The following TENM2 variants were observed in gnomAD, a reference collection of about 807,000 sequenced individuals.
TENM2 encodes the protein teneurin transmembrane protein 2.
A neutral mutation model predicts 245.2 loss-of-function variants in TENM2; 52 were observed. The ratio of observed to expected loss-of-function variants is 0.21; its 90% CI spans 0.17 to 0.27. The LOEUF (loss-of-function observed/expected upper bound fraction) is 0.27, where lower values mean the gene tolerates loss of function less well. Ranked by LOEUF, TENM2 falls within the 10% of genes least tolerant of loss-of-function variation. The pLI is 1.00. For missense variants in TENM2, 3,046 were observed against 3,666.8 expected (o/e 0.83, Z 4.37); for synonymous variants, 1,363 against 1,438.9 (o/e 0.95, Z 1.19).
At chr5:167,764,608 T>C (rs1156593861) in intron 2 of TENM2, among the ~76,000 whole-genome samples, 1 of 152,174 alleles carries the variant, frequency 6.6e-6, no homozygotes, top group African/African-American at 2.4e-5. Flanking sequence ...TTTACCTGCC[T>C]CTTTAGATCT....
In TENM2 at chr5:167,973,463, T is replaced by A. The variant is rs547104976; in HGVS notation, c.948-19481T>A. On this transcript the variant is annotated intron_variant, in intron 4 of 28. Transcript: ENST00000518659. ...CAGAGAGTGAAAGATCGAAAAGACA[T>A]GGCCCCTGACCTCTGGGAATCACAG... is the stretch of plus-strand genomic sequence containing the variant. Among the ~76,000 whole-genome samples, 24 of 152,258 alleles carry A rather than the reference T, an allele frequency of 1.6e-4. No individual in the cohort carries two copies. In the South Asian group the frequency reaches 5.0e-3, roughly 32 times the overall value.
chr5:167,068,446 G>A, the TENM2 span, among the ~76,000 whole-genome samples: 1 of 152,154 alleles, frequency 6.6e-6, no homozygotes, highest in Non-Finnish European at 1.5e-5. Flanking sequence ...AGGAAAGCTG[G>A]TGAAATTAAT....
At chr5:167,007,671 GT>G in the TENM2 span, among the ~76,000 whole-genome samples, 2 of 151,628 alleles carry the variant, frequency 1.3e-5, no homozygotes, top group Non-Finnish European at 3.0e-5. This position sits in a 1 kb window ranked among gnomAD's most constrained non-coding sequence, Gnocchi z 4.2. Context: ...CATTCATATT[GT>G]TGTCTAACAG....
chr5:167,449,658 TGAAAA>T (rs1270232860), intron 2 of TENM2, among the ~76,000 whole-genome samples: 1 of 152,060 alleles, frequency 6.6e-6, no homozygotes, highest in Non-Finnish European at 1.5e-5. Flanking sequence ...AATTTTATAA[TGAAAA>T]GAAAAGAAAT....
intron 5 of TENM2, among the ~76,000 whole-genome samples, chr5:168,021,889 G>A (rs919343102): frequency 6.7e-6 from 1 of 149,424 alleles, no homozygotes; most frequent in African/African-American, 2.5e-5. Context: ...AAAGGGAAGG[G>A]GTGAGATCTA....
At chr5:168,074,624 A>G (rs1417943849) in intron 7 of TENM2, among the ~76,000 whole-genome samples, 1 of 152,152 alleles carries the variant, frequency 6.6e-6, no homozygotes, top group East Asian at 1.9e-4. Flanking sequence ...GTGGCTGGCC[A>G]GTCCCTCTGC....
At chr5:167,087,775 A>G in the TENM2 span, among the ~76,000 whole-genome samples, 2 of 151,886 alleles carry the variant, frequency 1.3e-5, no homozygotes, top group Non-Finnish European at 2.9e-5. Context: ...TGTTTTTTAT[A>G]GGTGGAGCAA....
chr5:167,659,509 T>G (rs1582676054), intron 2 of TENM2, among the ~76,000 whole-genome samples: 1 of 152,330 alleles, frequency 6.6e-6, no homozygotes, highest in East Asian at 1.9e-4. Flanking sequence ...CTTTATACAT[T>G]TATCCACATT....
At chr5:168,188,428 G>A (rs1003278374) in intron 13 of TENM2, among the ~76,000 whole-genome samples, 1 of 152,158 alleles carries the variant, frequency 6.6e-6, no homozygotes, top group Admixed American at 6.5e-5. Context: ...AATAAGGATT[G>A]ACTAACGAAT....
chr5:167,974,001 A>AAGGG (rs745782174), intron 4 of TENM2, among the ~76,000 whole-genome samples: 4,727 of 95,474 alleles, frequency 0.05, 726 homozygotes, highest in African/African-American at 0.068. Flanking sequence ...GGAAGGGAGA[A>AAGGG]AGGGAGGGAG....
the TENM2 span, among the ~76,000 whole-genome samples, chr5:167,071,231 T>A: frequency 1.3e-5 from 2 of 152,184 alleles, no homozygotes; most frequent in Admixed American, 6.5e-5. Flanking sequence ...TATTTAGTAA[T>A]AAAATTGTTA....
chr5:167,297,573 T>C (rs1308627255), intron 1 of TENM2: 2 of 152,248 alleles, frequency 1.3e-5, no homozygotes, highest in Non-Finnish European at 2.9e-5. Context: ...AATGATCAAG[T>C]TACATTTATG....
At chr5:167,205,952 GA>G in the TENM2 span, among the ~76,000 whole-genome samples, 3 of 152,174 alleles carry the variant, frequency 2.0e-5, no homozygotes, top group Non-Finnish European at 2.9e-5. Context: ...TCAGCTAAGA[GA>G]AAGTTCTGCT....
exon 11 of TENM2, chr5:168,125,002 G>T (rs920186019): frequency 1.2e-6 from 2 of 1,610,708 alleles, no homozygotes; most frequent in African/African-American, 1.3e-5. Flanking sequence ...GCCTGACACG[G>T]GCCTCTGCAG....
intron 2 of TENM2, among the ~76,000 whole-genome samples, chr5:167,780,200 C>T (rs1329493802): frequency 1.3e-5 from 2 of 152,242 alleles, no homozygotes; most frequent in Non-Finnish European, 2.9e-5. Flanking sequence ...TTGATCCTAG[C>T]ATGTCTTACT....
intron 5 of TENM2, among the ~76,000 whole-genome samples, chr5:168,040,166 CT>C (rs921501558): frequency 9.2e-5 from 14 of 152,322 alleles, no homozygotes; most frequent in African/African-American, 3.4e-4. Context: ...GACAGAAAGC[CT>C]TGCTACTTTT....
At chr5:167,848,178 C>G (rs1770227304) in intron 2 of TENM2, among the ~76,000 whole-genome samples, 1 of 152,084 alleles carries the variant, frequency 6.6e-6, no homozygotes, top group African/African-American at 2.4e-5. Context: ...CTGAGTAGGT[C>G]ATGAGAGCTG....
chr5:168,071,841 C>T (rs1337023816), intron 7 of TENM2, among the ~76,000 whole-genome samples: 9 of 152,146 alleles, frequency 5.9e-5, no homozygotes, highest in African/African-American at 1.7e-4. Context: ...TGAGCCGAGC[C>T]GAACTCACAG....
intron 2 of TENM2, among the ~76,000 whole-genome samples, chr5:167,477,120 G>A (rs1266232714): frequency 6.6e-6 from 1 of 152,044 alleles, no homozygotes; most frequent in Non-Finnish European, 1.5e-5. Flanking sequence ...AATGCTTTAT[G>A]CATACTTCCC....
Sources: allele counts gnomAD v4.1 joint callset (sites outside exome capture counted in the v4.1 genomes callset), GRCh38; gene constraint gnomAD v4.1.1; non-coding constraint Gnocchi (gnomAD v3.1); transcripts MANE v1.5; gene names NCBI Gene and HGNC (gene_info 2026-07-23, HGNC 2026-07-21).